Variants in NACC1 observed in about 807,000 individuals in gnomAD.
NACC1 encodes nucleus accumbens-associated protein 1.
Under a neutral mutation model 41.7 loss-of-function variants are expected in NACC1, and 6 were observed. That is an observed-to-expected ratio of 0.14 (90% confidence interval 0.08 to 0.28). The LOEUF is 0.28. Among genes scored for constraint, NACC1 ranks in the 10% least tolerant of loss-of-function variants. The pLI is 1.00. For missense variants in NACC1, 434 were observed against 763.7 expected (o/e 0.57, Z 5.09); for synonymous variants, 338 against 330.6 (o/e 1.02, Z -0.24).
chr19:13,137,216 G>A lies in NACC1; in HGVS notation c.1121-55G>A. ...TTCTGAGATGAGGCCTGGTATCATG[G>A]GGGCTGTGGCGGTTTGGGGGCACCC... On this transcript the variant is annotated intron_variant, in intron 3 of 5. Transcript: ENST00000292431. This position sits in a 1 kb window ranked among gnomAD's most constrained non-coding sequence, Gnocchi z 6.1. 1 of 1,547,904 alleles carries A rather than the reference G, an allele frequency of 6.5e-7. No individual in the cohort carries two copies. Among genetic ancestry groups the A allele is most frequent in the Non-Finnish European group, 8.9e-7 (1 of 1,122,402 alleles).
At position 13,136,159 on chromosome 19, in the gene NACC1, G is replaced by GTGCC; in HGVS notation, c.946+7_946+10dup. ...GATGAACGTCGGCCAGACAGGTGAG[G>GTGCC]TGCCGTCCTGTCCCCCATCCCACCA... On this transcript the variant is annotated splice_region_variant and intron_variant, in intron 2 of 5. Transcript: ENST00000292431. The surrounding 1 kb of genome is among the most constrained non-coding windows in gnomAD (Gnocchi z 5.5). 1.2e-6 allele frequency: 2 copies of GTGCC among 1,607,868 alleles called. No individual in the cohort carries two copies. The highest frequency in any genetic ancestry group is 2.3e-5 in the East Asian group (1 of 44,328).
intron 1 of NACC1, among the ~76,000 whole-genome samples, chr19:13,122,779 C>T (rs139142797): frequency 4.6e-5 from 7 of 152,182 alleles, no homozygotes; most frequent in Non-Finnish European, 1.0e-4. Context: ...ATGAAATGTG[C>T]GAGGTCTGGG....
rs750852747 is a variant in NACC1, at chr19:13,138,423, C to A, written c.*17C>A. The A allele has an allele frequency of 1.9e-6, 3 of 1,604,830 alleles. No homozygotes were observed. Among genetic ancestry groups the A allele is most frequent in the Middle Eastern group, 1.7e-4 (1 of 6,050 alleles). On this transcript the variant is annotated 3_prime_UTR_variant, in exon 6 of 6. Coordinates refer to ENST00000292431, the MANE Select transcript of NACC1 (RefSeq NM_052876.4). This position sits in a 1 kb window ranked among gnomAD's most constrained non-coding sequence, Gnocchi z 5.7. ...CTGCAGTAACCCGCCCAGCCTCCCG[C>A]GGGGCCACACACTTCCCCTCCCAAC...
At chr19:13,126,174 G>T (rs1168077377) in intron 1 of NACC1, among the ~76,000 whole-genome samples, 1 of 151,842 alleles carries the variant, frequency 6.6e-6, no homozygotes, top group East Asian at 1.9e-4. Context: ...CTCCCGAGTA[G>T]CTGGGATTAC....
intron 1 of NACC1, among the ~76,000 whole-genome samples, chr19:13,124,442 G>A (rs1176642652): frequency 1.3e-5 from 2 of 152,078 alleles, no homozygotes; most frequent in Non-Finnish European, 2.9e-5. Context: ...AGGTCTTGCT[G>A]TATTGCCCAG....
In NACC1 at chr19:13,135,918, G is replaced by T; in HGVS notation, c.711G>T (p.Ala237=). The change falls in exon 2 of 6, where the codon GCG becomes GCT. Residue 237 remains alanine, a synonymous_variant. Coordinates refer to ENST00000292431, the MANE Select transcript of NACC1 (RefSeq NM_052876.4). ...VVAAAQPAVA[A]GAGQPAGGVA... Reference sequence around the variant, plus strand: ...CAGCAGCCCAGCCCGCCGTGGCTGCGGGAGCAGGGCAGCCAGCCGGTGGGG... The same window carrying T: ...CAGCAGCCCAGCCCGCCGTGGCTGCTGGAGCAGGGCAGCCAGCCGGTGGGG... The T allele has an allele frequency of 6.3e-7, 1 of 1,575,012 alleles. No homozygotes were observed. Among genetic ancestry groups the T allele is most frequent in the Non-Finnish European group, 8.6e-7 (1 of 1,162,234 alleles).
chr19:13,121,543 T>C (rs2019493185), intron 1 of NACC1, among the ~76,000 whole-genome samples: 1 of 152,168 alleles, frequency 6.6e-6, no homozygotes, highest in African/African-American at 2.4e-5. Context: ...TGAGTTTTGG[T>C]CAGCCTTACA....
chr19:13,138,141 C>T lies in NACC1; in HGVS notation c.1325-6C>T. On this transcript the variant is annotated splice_polypyrimidine_tract_variant and splice_region_variant and intron_variant, in intron 5 of 5. Coordinates refer to ENST00000292431, the MANE Select transcript of NACC1 (RefSeq NM_052876.4). This position sits in a 1 kb window ranked among gnomAD's most constrained non-coding sequence, Gnocchi z 5.7. ...GTGCCAAGGCCGCACCCACCCTGCC[C>T]CACAGACTACTGCCAGAACTTCGCC... The T allele has an allele frequency of 6.2e-7, 1 of 1,612,422 alleles. No homozygotes were observed. Among genetic ancestry groups the T allele is most frequent in the South Asian group, 1.1e-5 (1 of 91,048 alleles).
At chr19:13,132,958 T>TG (rs2019651352) in intron 1 of NACC1, among the ~76,000 whole-genome samples, 2 of 152,178 alleles carry the variant, frequency 1.3e-5, no homozygotes, top group African/African-American at 4.8e-5. Flanking sequence ...TTTGAACACT[T>TG]GCCGTTTCTA....
Position 13,135,892 on chromosome 19 carries a change from G to T in NACC1, c.685G>T (p.Ala229Ser). Reference protein sequence around the residue: ...PPPPQQAPVVAAAQPAVAAGA... With the variant: ...PPPPQQAPVVSAAQPAVAAGA... ...GCCACCCCAACAGGCTCCGGTGGTG[G>T]CAGCAGCCCAGCCCGCCGTGGCTGC... Residue 229 changes from alanine (A) to serine (S), a missense_variant, in exon 2 of 6, where the codon GCA becomes TCA. Ala to Ser is a moderately conservative substitution (Grantham distance 99). This residue lies in a region of NACC1 where 234 missense variants were observed against 308.3 expected (regional missense o/e 0.76). Coordinates refer to ENST00000292431, the MANE Select transcript of NACC1 (RefSeq NM_052876.4). The T allele has an allele frequency of 6.4e-7, 1 of 1,559,634 alleles. No individual in the cohort carries two copies.
chr19:13,137,605 G>A lies in NACC1; in HGVS notation c.1324+30G>A, dbSNP rs1382122728. ...GTGTTGGCCCAGCTGGACGAGGCGT[G>A]GGCCCGGGGCACGCAGGTTGACGTT... On this transcript the variant is annotated intron_variant, in intron 5 of 5. Transcript: ENST00000292431. This position sits in a 1 kb window ranked among gnomAD's most constrained non-coding sequence, Gnocchi z 6.1. 6.5e-7 allele frequency: 1 copy of A among 1,534,640 alleles called. No individual in the cohort carries two copies. Among genetic ancestry groups the A allele is most frequent in the South Asian group, 1.2e-5 (1 of 83,442 alleles).
At position 13,136,975 on chromosome 19, in the gene NACC1, G is replaced by T. The variant is rs938855350; in HGVS notation, c.1121-296G>T. ...TCATCTCTAGCTGGTGACAGCCAGC[G>T]TGCCCACCTCACACAGGCTTGCGGC... On this transcript the variant is annotated intron_variant, in intron 3 of 5. Coordinates refer to ENST00000292431, the MANE Select transcript of NACC1 (RefSeq NM_052876.4). The surrounding 1 kb of genome is among the most constrained non-coding windows in gnomAD (Gnocchi z 5.5). Among the ~76,000 whole-genome samples, 1 of 152,212 alleles carries T rather than the reference G, an allele frequency of 6.6e-6. No homozygotes were observed. Among genetic ancestry groups the T allele is most frequent in the Non-Finnish European group, 1.5e-5 (1 of 68,038 alleles).
rs1283585398 is a variant in NACC1, at chr19:13,135,462, C to T, written c.255C>T (p.Cys85=). 1 of 1,613,396 alleles carries T rather than the reference C, an allele frequency of 6.2e-7. No individual in the cohort carries two copies. The highest frequency in any genetic ancestry group is 1.1e-5 in the South Asian group (1 of 91,046). ...CTTTCCAGCAGATCCTCAGCTTCTG[C>T]TACACGGGCCGGCTGAGCATGAACG... is the stretch of plus-strand genomic sequence containing the variant. The part of the protein sequence containing the change: ...PQSFQQILSF[C]YTGRLSMNVG... Residue 85 remains cysteine, a synonymous_variant, in exon 2 of 6, where the codon TGC becomes TGT. Coordinates refer to ENST00000292431, the MANE Select transcript of NACC1 (RefSeq NM_052876.4).
Position 13,136,452 on chromosome 19 carries a change from C to A in NACC1, c.1120+47C>A, listed in dbSNP as rs769489075. 1 of 1,569,320 alleles carries A rather than the reference C, an allele frequency of 6.4e-7. No individual in the cohort carries two copies. The highest frequency in any genetic ancestry group is 1.2e-5 in the South Asian group (1 of 83,864). ...TCTCTCCCCTCCGCAGCTTTGGAGCCGGCTGGCCTGGGCTGGGCTGGGCAG... is the reference window on the plus strand; with the variant it reads ...TCTCTCCCCTCCGCAGCTTTGGAGCAGGCTGGCCTGGGCTGGGCTGGGCAG... On this transcript the variant is annotated intron_variant, in intron 3 of 5. Coordinates refer to ENST00000292431, the MANE Select transcript of NACC1 (RefSeq NM_052876.4). This position sits in a 1 kb window ranked among gnomAD's most constrained non-coding sequence, Gnocchi z 5.5.
intron 1 of NACC1, among the ~76,000 whole-genome samples, chr19:13,122,077 C>T (rs1382096653): frequency 1.3e-5 from 2 of 152,188 alleles, no homozygotes; most frequent in East Asian, 1.9e-4. Context: ...TGGGACTGGG[C>T]CTGCTTGCAC....
At position 13,140,730 on chromosome 19, in the gene NACC1, A is replaced by G. The variant is rs1251893986; in HGVS notation, c.*2324A>G. Reference sequence around the variant, plus strand: ...GCCTTACCCCAGGAGCCACCCCTGTACCCCCCTTGCCCTGCCATTCACCCT... The same window carrying G: ...GCCTTACCCCAGGAGCCACCCCTGTGCCCCCCTTGCCCTGCCATTCACCCT... On this transcript the variant is annotated 3_prime_UTR_variant, in exon 6 of 6. Coordinates refer to ENST00000292431, the MANE Select transcript of NACC1 (RefSeq NM_052876.4). The surrounding 1 kb of genome is among the most constrained non-coding windows in gnomAD (Gnocchi z 4.0). 6.6e-6 allele frequency: 1 copy of G among 151,784 alleles called. No homozygotes were observed. 9.4% of individuals were successfully genotyped at this position (151,784 alleles called of 1,614,324 possible).
chr19:13,138,007 G>A lies in NACC1; in HGVS notation c.1325-140G>A, dbSNP rs774657081. The A allele has an allele frequency of 6.5e-6, 8 of 1,228,214 alleles. No homozygotes were observed. The highest frequency in any genetic ancestry group is 1.5e-5 in the African/African-American group (1 of 67,264). The allele number at this position is 1,228,214 out of a possible 1,614,324, so 76.1% of individuals were successfully genotyped here. On this transcript the variant is annotated intron_variant, in intron 5 of 5. Coordinates refer to ENST00000292431, the MANE Select transcript of NACC1 (RefSeq NM_052876.4). The surrounding 1 kb of genome is among the most constrained non-coding windows in gnomAD (Gnocchi z 5.7). ...CAGTCCGGTGTAGGGTTGGGTGCAC[G>A]TAGTGTGGTGTCCTGGCCGCGTGGC...
intron 1 of NACC1, among the ~76,000 whole-genome samples, chr19:13,129,260 C>A (rs1347586349): frequency 6.6e-6 from 1 of 152,120 alleles, no homozygotes; most frequent in Non-Finnish European, 1.5e-5. Flanking sequence ...GGTTTAGAGA[C>A]CTCAATCCTC....
chr19:13,132,490 A>G (rs16995252), intron 1 of NACC1: 9,086 of 151,770 alleles, frequency 0.06, 340 homozygotes, highest in African/African-American at 0.093. Flanking sequence ...TGAATTTTGA[A>G]CCTGGTGAAT....
Sources: allele counts gnomAD v4.1 joint callset (sites outside exome capture counted in the v4.1 genomes callset), GRCh38; gene constraint gnomAD v4.1.1; regional missense constraint gnomAD v4.1.1; non-coding constraint Gnocchi (gnomAD v3.1); transcripts MANE v1.5; gene names NCBI Gene and HGNC (gene_info 2026-07-23, HGNC 2026-07-21).